The following RCAN1 variants were observed in gnomAD, a reference collection of about 807,000 sequenced individuals.
RCAN1 encodes calcipressin-1.
A neutral mutation model predicts 22.9 loss-of-function variants in RCAN1; 11 were observed. The ratio of observed to expected loss-of-function variants is 0.48; its 90% CI spans 0.30 to 0.79. The LOEUF (loss-of-function observed/expected upper bound fraction) is 0.79, where lower values mean the gene tolerates loss of function less well. Among genes scored for constraint, RCAN1 ranks in the 30% least tolerant of loss-of-function variants. The pLI, the probability that RCAN1 is intolerant of heterozygous loss-of-function variation, is 0.06. For synonymous variants in RCAN1, 136 were observed against 142.3 expected, an observed-to-expected ratio of 0.96 and a Z score of 0.32; for missense variants, 291 against 337.8, an observed-to-expected ratio of 0.86 and a Z score of 1.09.
At chr21:34,522,329 G>C (rs772994951) in intron 2 of RCAN1, 3 of 152,202 alleles carry the variant, frequency 2.0e-5, no homozygotes, top group Non-Finnish European at 4.4e-5. Context: ...CAAGCTGCGC[G>C]GTGTAGGTTT....
chr21:34,604,302 TG>T (rs1397153770), intron 1 of RCAN1, among the ~76,000 whole-genome samples: 4 of 152,102 alleles, frequency 2.6e-5, no homozygotes, highest in African/African-American at 4.8e-5. Flanking sequence ...GGCTAATTTT[TG>T]TATTTTTTAA....
chr21:34,532,237 G>T (rs1478536693), intron 1 of RCAN1, among the ~76,000 whole-genome samples: 1 of 152,092 alleles, frequency 6.6e-6, no homozygotes, highest in Admixed American at 6.5e-5. Context: ...GGGTGGGGGG[G>T]TTCCTGTTAA....
At chr21:34,611,726 A>G (rs541474019) in intron 1 of RCAN1, among the ~76,000 whole-genome samples, 1 of 152,350 alleles carries the variant, frequency 6.6e-6, no homozygotes, top group Admixed American at 6.5e-5. Context: ...CATTTACATT[A>G]CATCATCCAA....
intron 1 of RCAN1, among the ~76,000 whole-genome samples, chr21:34,554,685 A>C (rs1439572165): frequency 6.6e-6 from 1 of 152,250 alleles, no homozygotes; most frequent in Non-Finnish European, 1.5e-5. Flanking sequence ...AGTTTAGATA[A>C]ATAGATGTAT....
intron 1 of RCAN1, among the ~76,000 whole-genome samples, chr21:34,598,081 T>C (rs941724743): frequency 6.6e-6 from 1 of 152,218 alleles, no homozygotes; most frequent in Non-Finnish European, 1.5e-5. Context: ...ACCTAGGATG[T>C]AAAGACGTCA....
intron 1 of RCAN1, chr21:34,526,880 G>A (rs1374257263): frequency 1.0e-5 from 15 of 1,450,028 alleles, no homozygotes; most frequent in African/African-American, 4.4e-5. Context: ...CCCACTCCCT[G>A]GGGAAAAAAA....
chr21:34,575,591 T>C (rs1213573378), intron 1 of RCAN1, among the ~76,000 whole-genome samples: 1 of 152,168 alleles, frequency 6.6e-6, no homozygotes, highest in East Asian at 1.9e-4. Context: ...GTTACGATCA[T>C]GGCTCACTGC....
At chr21:34,549,134 G>T (rs1313144380) in intron 1 of RCAN1, among the ~76,000 whole-genome samples, 1 of 152,110 alleles carries the variant, frequency 6.6e-6, no homozygotes, top group Non-Finnish European at 1.5e-5. Context: ...CGTGATGAAA[G>T]ACAGGCGTGT....
At chr21:34,605,193 A>G (rs1275823305) in intron 1 of RCAN1, among the ~76,000 whole-genome samples, 1 of 152,214 alleles carries the variant, frequency 6.6e-6, no homozygotes, top group Non-Finnish European at 1.5e-5. Context: ...TGTCAGAATA[A>G]AAGCAGGCAG....
At position 34,517,783 on chromosome 21, in the gene RCAN1, A is replaced by C. The variant is rs922718879; in HGVS notation, c.*301T>G. The C allele has an allele frequency of 1.7e-5, 6 of 342,996 alleles. No homozygotes were observed. The highest frequency in any genetic ancestry group is 3.2e-5 in the Non-Finnish European group (6 of 186,596). 21.2% of individuals were successfully genotyped at this position (342,996 alleles called of 1,614,324 possible). On this transcript the variant is annotated 3_prime_UTR_variant, in exon 4 of 4. Coordinates refer to ENST00000313806, the MANE Select transcript of RCAN1 (RefSeq NM_004414.7). Reference sequence around the variant, plus strand: ...CCTTGGCACAGACAGAACCTACCAGAAAAGAACAAGTACAAAACACTATCA... The same window carrying C: ...CCTTGGCACAGACAGAACCTACCAGCAAAGAACAAGTACAAAACACTATCA...
chr21:34,576,819 G>A (rs1275583961), intron 1 of RCAN1, among the ~76,000 whole-genome samples: 1 of 152,222 alleles, frequency 6.6e-6, no homozygotes, highest in Non-Finnish European at 1.5e-5. Flanking sequence ...ATAATACTTT[G>A]TCTTTGGTTC....
intron 3 of RCAN1, among the ~76,000 whole-genome samples, chr21:34,520,835 G>A (rs1361239093): frequency 1.3e-5 from 2 of 152,188 alleles, no homozygotes; most frequent in African/African-American, 2.4e-5. Flanking sequence ...CTCATCTACT[G>A]CTCACAATTC....
chr21:34,526,648 T>C (rs2087045869), intron 1 of RCAN1: 3 of 1,608,782 alleles, frequency 1.9e-6, no homozygotes, highest in Non-Finnish European at 2.5e-6. Context: ...AATCACGTTA[T>C]ATTAGAAGCC....
At chr21:34,519,384 TC>T in intron 3 of RCAN1, among the ~76,000 whole-genome samples, 1 of 130,850 alleles carries the variant, frequency 7.6e-6, no homozygotes, top group Non-Finnish European at 1.7e-5. Context: ...TTTTTCTTTT[TC>T]TTTCTTTCTT....
At chr21:34,563,656 C>A (rs995916045) in intron 1 of RCAN1, among the ~76,000 whole-genome samples, 1 of 151,116 alleles carries the variant, frequency 6.6e-6, no homozygotes, top group African/African-American at 2.4e-5. Flanking sequence ...TGTCTGTAAT[C>A]CCAGCACTTT....
intron 1 of RCAN1, among the ~76,000 whole-genome samples, chr21:34,543,683 T>C (rs528258992): frequency 6.6e-6 from 1 of 152,376 alleles, no homozygotes; most frequent in African/African-American, 2.4e-5. Context: ...GGCTTTGGAA[T>C]CAATAAACTG....
chr21:34,542,936 T>C (rs1985981258), intron 1 of RCAN1, among the ~76,000 whole-genome samples: 2 of 152,222 alleles, frequency 1.3e-5, no homozygotes, highest in Admixed American at 1.3e-4. Flanking sequence ...CACCTGGGTC[T>C]GAACCTGGTG....
chr21:34,558,791 A>G (rs984944626), intron 1 of RCAN1, among the ~76,000 whole-genome samples: 3 of 152,170 alleles, frequency 2.0e-5, no homozygotes, highest in Non-Finnish European at 2.9e-5. Flanking sequence ...AGAACATTTC[A>G]TCTCCTGGAT....
rs1347229580 is a variant in RCAN1 at position 34,614,213 on chromosome 21, T to TC, written c.252+546dup. The TC allele has an allele frequency of 4.1e-6, 4 of 982,926 alleles. No homozygotes were observed. In the African/African-American group the frequency reaches 5.2e-5, roughly 13 times the overall value. The allele number at this position is 982,926 out of a possible 1,614,324, so 60.9% of individuals were successfully genotyped here. ...CTAAAGGTCTGAAAGATGGTCCCCT[T>TC]CCCCCCAACACAATTCCACCAAAAC... On this transcript the variant is annotated intron_variant, in intron 1 of 3. Transcript: ENST00000313806. The surrounding 1 kb of genome is among the most constrained non-coding windows in gnomAD (Gnocchi z 6.0).
Sources: allele counts gnomAD v4.1 joint callset (sites outside exome capture counted in the v4.1 genomes callset), GRCh38; gene constraint gnomAD v4.1.1; non-coding constraint Gnocchi (gnomAD v3.1); transcripts MANE v1.5; gene names NCBI Gene and HGNC (gene_info 2026-07-23, HGNC 2026-07-21).